Variants in MECR observed in about 807,000 individuals in gnomAD.
MECR encodes the protein enoyl-[acyl-carrier-protein] reductase, mitochondrial.
A neutral mutation model predicts 49.1 loss-of-function variants in MECR; 37 were observed. The ratio of observed to expected loss-of-function variants is 0.75; its 90% CI spans 0.58 to 0.99. The LOEUF (loss-of-function observed/expected upper bound fraction) is 0.99, where lower values mean the gene tolerates loss of function less well. Ranked by LOEUF, MECR falls within the 50% of genes least tolerant of loss-of-function variation. The pLI, the probability that MECR is intolerant of heterozygous loss-of-function variation, is 0.00. For missense variants in MECR, 470 were observed against 479.6 expected (o/e 0.98, Z 0.19); for synonymous variants, 198 against 191.1 (o/e 1.04, Z -0.30).
At chr1:29,184,020 A>G in the MECR span, among the ~76,000 whole-genome samples, 2 of 151,842 alleles carry the variant, frequency 1.3e-5, no homozygotes, top group Non-Finnish European at 1.5e-5. Flanking sequence ...CTGGGATTAC[A>G]GGCACCTGCC....
At position 29,194,059 on chromosome 1, in the gene MECR, T is replaced by C; in HGVS notation, c.1085A>G (p.Lys362Arg). 1 of 1,614,120 alleles carries C rather than the reference T, an allele frequency of 6.2e-7. No individual in the cohort carries two copies. Among genetic ancestry groups the C allele is most frequent in the African/African-American group, 1.3e-5 (1 of 75,048 alleles). ...DYQSALEASMKPFISSKQILT... is the reference protein window; with the variant it reads ...DYQSALEASMRPFISSKQILT... ...AATCTGCTTTGAAGATATGAAGGGC[T>C]TCATGGAGGCTTCCAAGGCAGACTG... Residue 362 changes from lysine to arginine, a missense_variant, in exon 10 of 10, where the codon AAG (lysine) becomes AGG (arginine). Coordinates refer to ENST00000263702, the MANE Select transcript of MECR (RefSeq NM_016011.5).
the MECR span, among the ~76,000 whole-genome samples, chr1:29,174,998 A>G: frequency 1.3e-5 from 2 of 150,980 alleles, no homozygotes; most frequent in African/African-American, 4.9e-5. Flanking sequence ...AAAAAAAAAA[A>G]AAAGAAAAGA....
chr1:29,226,244 T>C (rs56251133), intron 1 of MECR, among the ~76,000 whole-genome samples: 1,568 of 150,534 alleles, frequency 0.01, 30 homozygotes, highest in African/African-American at 0.036. Flanking sequence ...CTTAGTTTCA[T>C]TGTTGTACTA....
the MECR span, among the ~76,000 whole-genome samples, chr1:29,174,494 G>C: frequency 1.3e-5 from 2 of 152,140 alleles, no homozygotes; most frequent in East Asian, 3.9e-4. Context: ...ATGTATGTTG[G>C]AGTACTATGT....
chr1:29,208,746 G>C (rs1236102619), intron 3 of MECR, among the ~76,000 whole-genome samples: 1 of 152,128 alleles, frequency 6.6e-6, no homozygotes, highest in Non-Finnish European at 1.5e-5. Flanking sequence ...CTTGCACCCA[G>C]GCACTTGAAC....
At chr1:29,169,946 C>CTAT in the MECR span, 1 of 152,180 alleles carries the variant, frequency 6.6e-6, no homozygotes, top group Admixed American at 6.5e-5. Context: ...TTTGTTTTAG[C>CTAT]TATTCAAAAC....
chr1:29,219,108 T>C (rs1388116176), intron 1 of MECR, among the ~76,000 whole-genome samples: 1 of 152,082 alleles, frequency 6.6e-6, no homozygotes, highest in Non-Finnish European at 1.5e-5. Flanking sequence ...CGTTGCCTTA[T>C]GGGGAGATGG....
At chr1:29,181,761 C>T in the MECR span, 1 of 1,570,830 alleles carries the variant, frequency 6.4e-7, no homozygotes, top group Non-Finnish European at 8.6e-7. Context: ...ATCCCGGCAA[C>T]GGCAGTGATG....
intron 4 of MECR, 123 bp downstream of exon 4, chr1:29,206,639 G>T: frequency 9.1e-7 from 1 of 1,096,428 alleles, no homozygotes; most frequent in Non-Finnish European, 1.3e-6. Flanking sequence ...ATTCACCCAG[G>T]TGAGAGGTCC....
chr1:29,195,945 A>G lies in MECR; in HGVS notation c.960T>C (p.Ser320=), dbSNP rs1316687943. The G allele has an allele frequency of 1.2e-6, 2 of 1,614,174 alleles. No individual in the cohort carries two copies. The highest frequency in any genetic ancestry group is 1.6e-4 in the Middle Eastern group (1 of 6,062). The change falls in exon 9 of 10, where the codon AGT becomes AGC. Residue 320 remains serine (S), a synonymous_variant. Coordinates refer to ENST00000263702, the MANE Select transcript of MECR (RefSeq NM_016011.5). ...GGCACTGGGCCATGCACTCACCTGG[A>G]CTGTGATCCTTCTTCCACTGGGACA... ...FWLSQWKKDH[S]PDQFKELILT...
chr1:29,177,658 A>T, the MECR span, among the ~76,000 whole-genome samples: 1 of 152,064 alleles, frequency 6.6e-6, no homozygotes, highest in Non-Finnish European at 1.5e-5. Flanking sequence ...GGTCTATATG[A>T]TCCTGGGAGA....
chr1:29,181,681 G>A, the MECR span: 4 of 1,597,490 alleles, frequency 2.5e-6, no homozygotes, highest in Non-Finnish European at 2.6e-6. Flanking sequence ...TCTTCCCGTA[G>A]CCCTTAAAGA....
chr1:29,222,472 C>A (rs1043567653), intron 1 of MECR, among the ~76,000 whole-genome samples: 8 of 152,128 alleles, frequency 5.3e-5, no homozygotes, highest in African/African-American at 1.4e-4. Flanking sequence ...TCTGACTACA[C>A]GTTAGTCATA....
chr1:29,219,755 A>C (rs768596259), intron 1 of MECR, among the ~76,000 whole-genome samples: 6 of 152,250 alleles, frequency 3.9e-5, no homozygotes, highest in African/African-American at 7.2e-5. Context: ...TTTCTGCAGC[A>C]AAATGTAGGA....
At chr1:29,185,906 G>A in the MECR span, among the ~76,000 whole-genome samples, 37 of 152,130 alleles carry the variant, frequency 2.4e-4, no homozygotes, top group Non-Finnish European at 2.6e-4. Flanking sequence ...GATCTCCTGA[G>A]CCCAGGGAGG....
At chr1:29,203,343 G>T in intron 4 of MECR, 110 bp from the exon 5 acceptor site, 1 of 725,280 alleles carries the variant, frequency 1.4e-6, no homozygotes, top group East Asian at 2.9e-5. Flanking sequence ...GGCTCAACAG[G>T]GACCCAGGAC....
At chr1:29,197,524 G>A (rs1674297964) in intron 7 of MECR, among the ~76,000 whole-genome samples, 1 of 152,146 alleles carries the variant, frequency 6.6e-6, no homozygotes, top group Admixed American at 6.6e-5. Flanking sequence ...CTTAACCTAT[G>A]TTCACCTCCC....
In MECR at chr1:29,194,034, A is replaced by C. The variant is rs745420909; in HGVS notation, c.1110T>G (p.Ile370Met). The C allele has an allele frequency of 1.9e-6, 3 of 1,614,092 alleles. No homozygotes were observed. Among genetic ancestry groups the C allele is most frequent in the Non-Finnish European group, 8.5e-7 (1 of 1,180,022 alleles). The change falls in exon 10 of 10, where the codon ATT (isoleucine) becomes ATG (methionine). Residue 370 changes from isoleucine to methionine, a missense_variant. Coordinates refer to ENST00000263702, the MANE Select transcript of MECR (RefSeq NM_016011.5). ...SMKPFISSKQ[I>M]LTM ...TCTTTTGGGATGATCACATGGTGAGAATCTGCTTTGAAGATATGAAGGGCT... is the reference window on the plus strand; with the variant it reads ...TCTTTTGGGATGATCACATGGTGAGCATCTGCTTTGAAGATATGAAGGGCT...
chr1:29,218,436 A>G (rs568811255), intron 1 of MECR, among the ~76,000 whole-genome samples: 1 of 152,356 alleles, frequency 6.6e-6, no homozygotes, highest in East Asian at 1.9e-4. Flanking sequence ...CCCAAGACAC[A>G]TATAACTGCC....
Sources: gnomAD v4.1 joint callset for allele counts (sites outside exome capture counted in the v4.1 genomes callset) on GRCh38, gnomAD v4.1.1 for gene constraint, MANE v1.5 for transcripts, NCBI Gene and HGNC (gene_info 2026-07-23, HGNC 2026-07-21) for gene names.